The following KLF12 variants were observed in gnomAD, a reference collection of about 807,000 sequenced individuals.
KLF12 encodes KLF transcription factor 12, also known as Krueppel-like factor 12.
In KLF12, 9 loss-of-function variants were observed where a neutral mutation model predicts 37.8. That is an observed-to-expected ratio of 0.24 (90% confidence interval 0.14 to 0.42). KLF12 has a LOEUF of 0.42. Ranked by LOEUF, KLF12 falls within the 10% of genes least tolerant of loss-of-function variation. The pLI is 1.00. For missense variants in KLF12, 411 were observed against 516.0 expected (o/e 0.80, Z 1.97); for synonymous variants, 208 against 202.1 (o/e 1.03, Z -0.25).
the KLF12 span, among the ~76,000 whole-genome samples, chr13:74,276,590 T>C: frequency 5.9e-5 from 9 of 152,322 alleles, no homozygotes; most frequent in Admixed American, 6.5e-5. Context: ...GGTTTGAAGA[T>C]ACCTTAATAT....
At chr13:74,046,867 TAA>T (rs1364506204) in intron 1 of KLF12, among the ~76,000 whole-genome samples, 1 of 152,220 alleles carries the variant, frequency 6.6e-6, no homozygotes, top group Non-Finnish European at 1.5e-5. Context: ...CTATACCATA[TAA>T]GACTTAAAAT....
At chr13:73,932,509 C>T (rs972584971) in intron 3 of KLF12, among the ~76,000 whole-genome samples, 6 of 152,068 alleles carry the variant, frequency 3.9e-5, no homozygotes, top group African/African-American at 1.4e-4. Context: ...CTGTTGACAT[C>T]TTTATTGTTA....
intron 1 of KLF12, among the ~76,000 whole-genome samples, chr13:74,034,341 T>C (rs1258869384): frequency 6.6e-6 from 1 of 152,202 alleles, no homozygotes; most frequent in Non-Finnish European, 1.5e-5. Flanking sequence ...AGTGCTGGGA[T>C]TACAGGCATG....
At chr13:74,266,788 G>A in the KLF12 span, among the ~76,000 whole-genome samples, 1 of 152,220 alleles carries the variant, frequency 6.6e-6, no homozygotes, top group Non-Finnish European at 1.5e-5. Context: ...GTCCTAAAGA[G>A]AAGTAATCCT....
chr13:73,701,187 T>A (rs1047240730), intron 7 of KLF12, among the ~76,000 whole-genome samples: 4 of 152,172 alleles, frequency 2.6e-5, no homozygotes, highest in Non-Finnish European at 5.9e-5. Flanking sequence ...GTCAGACCCC[T>A]CCCAGGGCCT....
At chr13:73,855,362 T>G (rs967842651) in intron 3 of KLF12, among the ~76,000 whole-genome samples, 1 of 152,218 alleles carries the variant, frequency 6.6e-6, no homozygotes, top group South Asian at 2.1e-4. Flanking sequence ...GTTTCCATGT[T>G]AGTTCGCTTA....
chr13:74,119,803 G>A (rs1877519415), intron 1 of KLF12, among the ~76,000 whole-genome samples: 1 of 152,042 alleles, frequency 6.6e-6, no homozygotes, highest in Non-Finnish European at 1.5e-5. Context: ...AAAAGGTAAT[G>A]GGTAGAAATT....
chr13:73,845,112 G>C (rs1169376605), intron 4 of KLF12: 1 of 152,124 alleles, frequency 6.6e-6, no homozygotes, highest in African/African-American at 2.4e-5. Context: ...AATAACTAGT[G>C]ATGATTACAC....
intron 3 of KLF12, among the ~76,000 whole-genome samples, chr13:73,922,103 C>T (rs1889143572): frequency 6.6e-6 from 1 of 151,848 alleles, no homozygotes; most frequent in African/African-American, 2.4e-5. Context: ...TTGCATTTAA[C>T]TGAATTAATT....
intron 3 of KLF12, among the ~76,000 whole-genome samples, chr13:73,917,789 T>G (rs1285968825): frequency 6.6e-6 from 1 of 152,248 alleles, no homozygotes; most frequent in East Asian, 1.9e-4. Flanking sequence ...TTACAGATTA[T>G]GTATTTGGTG....
the KLF12 span, among the ~76,000 whole-genome samples, chr13:74,207,722 T>C: frequency 2.0e-5 from 3 of 151,926 alleles, no homozygotes; most frequent in African/African-American, 7.2e-5. Flanking sequence ...ATGCAGCAAA[T>C]GGTAGAAAGA....
chr13:74,051,474 G>A (rs962255326), intron 1 of KLF12, among the ~76,000 whole-genome samples: 4 of 151,930 alleles, frequency 2.6e-5, no homozygotes, highest in African/African-American at 7.3e-5. Flanking sequence ...TGCGAGGAGG[G>A]GCATGAAACA....
chr13:74,148,558 G>A, the KLF12 span, among the ~76,000 whole-genome samples: 2 of 138,506 alleles, frequency 1.4e-5, no homozygotes, highest in Non-Finnish European at 3.0e-5. Flanking sequence ...TAACTCTAGT[G>A]TTTAAACTAG....
intron 3 of KLF12, among the ~76,000 whole-genome samples, chr13:73,897,009 T>A (rs1292612629): frequency 6.6e-6 from 1 of 152,170 alleles, no homozygotes; most frequent in South Asian, 2.1e-4. Flanking sequence ...CCGGCAAAAC[T>A]AATGGTGACT....
intron 2 of KLF12, among the ~76,000 whole-genome samples, chr13:73,951,451 ACAAT>A (rs796506390): frequency 2.2e-4 from 34 of 152,330 alleles, no homozygotes; most frequent in African/African-American, 7.9e-4. Context: ...ATTCAGGATG[ACAAT>A]CTATTGTTCA....
At chr13:74,295,966 T>A in the KLF12 span, among the ~76,000 whole-genome samples, 1 of 151,410 alleles carries the variant, frequency 6.6e-6, no homozygotes, top group African/African-American at 2.4e-5. Context: ...GACATGCGCC[T>A]CCCTGACCAA....
intron 1 of KLF12, among the ~76,000 whole-genome samples, chr13:74,055,849 A>G (rs1566521399): frequency 6.6e-6 from 1 of 152,232 alleles, no homozygotes; most frequent in Non-Finnish European, 1.5e-5. Context: ...GGAGGCATGT[A>G]AGGCCCAGGA....
intron 3 of KLF12, among the ~76,000 whole-genome samples, chr13:73,927,931 C>G (rs1341440430): frequency 6.6e-6 from 1 of 150,604 alleles, no homozygotes; most frequent in Non-Finnish European, 1.5e-5. Flanking sequence ...GATCTCGGCT[C>G]ACTGCAACCT....
chr13:74,033,461 A>C (rs1263711030), intron 1 of KLF12, among the ~76,000 whole-genome samples: 2 of 152,362 alleles, frequency 1.3e-5, no homozygotes, highest in East Asian at 3.9e-4. Context: ...AAGGAATGTT[A>C]TAATTAAATG....
Sources: gnomAD v4.1 joint callset for allele counts (sites outside exome capture counted in the v4.1 genomes callset) on GRCh38, gnomAD v4.1.1 for gene constraint, MANE v1.5 for transcripts, NCBI Gene and HGNC (gene_info 2026-07-23, HGNC 2026-07-21) for gene names.